CDKN2B-AS1: variants seen among roughly 807,000 people sequenced by gnomAD.
The protein encoded by CDKN2B-AS1 is CDKN2B antisense RNA 1 (non-protein coding).
In CDKN2B-AS1 at chr9:22,034,480, A is replaced by T. The variant is rs533504793; in HGVS notation, n.30-12271A>T. On this transcript the variant is annotated intron_variant and non_coding_transcript_variant, in intron 1 of 4. Transcript: ENST00000650946. ...GGATTAGGGAAGAGATGAAGTAGTC[A>T]ATAAAATTCAAATTCTTGTATTCTG... Among the ~76,000 whole-genome samples the T allele has an allele frequency of 3.9e-5, 6 of 152,314 alleles. No individual in the cohort carries two copies. The South Asian group carries it at 1.2e-3, about 32-fold the overall frequency.
At chr9:22,121,559 C>G (rs1474686623) in intron 4 of CDKN2B-AS1, among the ~76,000 whole-genome samples, 2 of 152,050 alleles carry the variant, frequency 1.3e-5, no homozygotes, top group Admixed American at 6.5e-5. Flanking sequence ...CTCCCTTCCC[C>G]CTACTTTTCC....
intron 1 of CDKN2B-AS1, among the ~76,000 whole-genome samples, chr9:22,023,833 G>A (rs1822113557): frequency 6.6e-6 from 1 of 152,140 alleles, no homozygotes; most frequent in African/African-American, 2.4e-5. Context: ...GTAAGCTCCT[G>A]CAATGCTTTA....
intron 4 of CDKN2B-AS1, among the ~76,000 whole-genome samples, chr9:22,068,739 T>C (rs1169627701): frequency 6.6e-6 from 1 of 152,196 alleles, no homozygotes; most frequent in Non-Finnish European, 1.5e-5. Flanking sequence ...TTTTCCCAAG[T>C]CATAAACAGT....
intron 4 of CDKN2B-AS1, among the ~76,000 whole-genome samples, chr9:22,110,645 T>A (rs1374694888): frequency 6.6e-6 from 1 of 152,138 alleles, no homozygotes; most frequent in Non-Finnish European, 1.5e-5. Flanking sequence ...CTTGCAATCA[T>A]TGTGTATAAG....
intron 1 of CDKN2B-AS1, chr9:22,029,283 GAGAA>G: frequency 1.7e-6 from 1 of 599,382 alleles, no homozygotes; most frequent in Non-Finnish European, 3.0e-6. Context: ...CTTTGAGAGA[GAGAA>G]AGCTATTACC....
intron 4 of CDKN2B-AS1, among the ~76,000 whole-genome samples, chr9:22,076,569 T>G (rs900498809): frequency 6.6e-6 from 1 of 152,158 alleles, no homozygotes; most frequent in African/African-American, 2.4e-5. Flanking sequence ...TGAAACAAAT[T>G]AACATCTCCA....
chr9:22,026,607 G>T (rs988607269), intron 1 of CDKN2B-AS1, among the ~76,000 whole-genome samples: 1 of 152,184 alleles, frequency 6.6e-6, no homozygotes, highest in Admixed American at 6.5e-5. Context: ...TGTGGAAGTG[G>T]GGCCTGTAGA....
At chr9:22,049,833 G>T (rs867033825) in intron 3 of CDKN2B-AS1, among the ~76,000 whole-genome samples, 18 of 152,166 alleles carry the variant, frequency 1.2e-4, no homozygotes, top group Admixed American at 1.2e-3. Context: ...GCGTTTCATA[G>T]ATTGGCCAGC....
chr9:22,047,740 A>G (rs1009986945), intron 2 of CDKN2B-AS1, among the ~76,000 whole-genome samples: 3 of 152,062 alleles, frequency 2.0e-5, no homozygotes, highest in Non-Finnish European at 2.9e-5. Context: ...AGGTTTTGCA[A>G]TCCAGCTTTG....
intron 2 of CDKN2B-AS1, among the ~76,000 whole-genome samples, chr9:22,048,658 A>C (rs1823208696): frequency 6.6e-6 from 1 of 152,152 alleles, no homozygotes; most frequent in Non-Finnish European, 1.5e-5. Flanking sequence ...AATCCAATCC[A>C]TATCGGGGAA....
At chr9:22,116,623 G>A (rs1825955005) in intron 4 of CDKN2B-AS1, among the ~76,000 whole-genome samples, 1 of 152,078 alleles carries the variant, frequency 6.6e-6, no homozygotes, top group Non-Finnish European at 1.5e-5. Flanking sequence ...GAGGGAAACA[G>A]CAATGGCAAA....
chr9:22,073,932 C>G (rs1423690358), intron 4 of CDKN2B-AS1, among the ~76,000 whole-genome samples: 1 of 151,468 alleles, frequency 6.6e-6, no homozygotes, highest in African/African-American at 2.4e-5. Context: ...GTTATGATCA[C>G]AGCTTACTGC....
At chr9:22,040,433 A>G (rs999212946) in intron 1 of CDKN2B-AS1, among the ~76,000 whole-genome samples, 1 of 152,166 alleles carries the variant, frequency 6.6e-6, no homozygotes, top group Admixed American at 6.5e-5. Flanking sequence ...AGTTCAATCC[A>G]GATGTTCACA....
At chr9:22,036,115 A>G (rs897039438) in intron 1 of CDKN2B-AS1, among the ~76,000 whole-genome samples, 1 of 152,132 alleles carries the variant, frequency 6.6e-6, no homozygotes, top group East Asian at 1.9e-4. Flanking sequence ...ACAAATGAGA[A>G]CAGATCTACC....
chr9:22,018,075 G>A (rs774117749), intron 1 of CDKN2B-AS1, among the ~76,000 whole-genome samples: 4 of 152,194 alleles, frequency 2.6e-5, no homozygotes, highest in Non-Finnish European at 5.9e-5. Context: ...TGTAATCCCA[G>A]CACTTTGGGA....
chr9:22,098,448 T>G (rs1455799493), intron 4 of CDKN2B-AS1, among the ~76,000 whole-genome samples: 8 of 151,484 alleles, frequency 5.3e-5, no homozygotes, highest in African/African-American at 1.9e-4. Flanking sequence ...CCATGCTTTC[T>G]GAAACAACAC....
At chr9:22,124,513 C>T (rs1319309580) in intron 4 of CDKN2B-AS1, among the ~76,000 whole-genome samples, 1 of 152,098 alleles carries the variant, frequency 6.6e-6, no homozygotes, top group East Asian at 1.9e-4. Context: ...GTAGTTTCTC[C>T]TTCTCTCTCT....
intron 4 of CDKN2B-AS1, chr9:22,061,903 C>T (rs1423781522): frequency 6.6e-6 from 1 of 152,004 alleles, no homozygotes. Flanking sequence ...TTGTGCCTGA[C>T]ATTAAATACT....
intron 4 of CDKN2B-AS1, among the ~76,000 whole-genome samples, chr9:22,102,053 T>C (rs950453261): frequency 2.0e-5 from 3 of 152,206 alleles, no homozygotes; most frequent in Admixed American, 2.0e-4. Flanking sequence ...GCTGTTTGCC[T>C]GTTTGGTTTT....
Sources: allele counts gnomAD v4.1 joint callset (sites outside exome capture counted in the v4.1 genomes callset), GRCh38; gene constraint gnomAD v4.1.1; transcripts MANE v1.5; gene names NCBI Gene and HGNC (gene_info 2026-07-23, HGNC 2026-07-21).